The following ZKSCAN2 variants were observed in gnomAD, a reference collection of about 807,000 sequenced individuals.
ZKSCAN2 encodes the protein zinc finger protein with KRAB and SCAN domains 2.
A neutral mutation model predicts 90.5 loss-of-function variants in ZKSCAN2; 38 were observed. The observed-to-expected ratio is 0.42, with a 90% CI of 0.32 to 0.55. The LOEUF is 0.55. ZKSCAN2 is among the 20% of genes least tolerant of loss of function. The probability of loss-of-function intolerance (pLI) is 0.11; values close to 1 mark genes in which losing one functional copy is unlikely to be tolerated. For synonymous variants in ZKSCAN2, 429 were observed against 421.6 expected (o/e 1.02, Z -0.22); for missense variants, 1,167 against 1,202.6 (o/e 0.97, Z 0.44).
intron 2 of ZKSCAN2, 152 bp downstream of exon 2, chr16:25,255,054 G>T: frequency 1.4e-6 from 1 of 692,864 alleles, no homozygotes; most frequent in Non-Finnish European, 2.2e-6. Context: ...CACTTATATT[G>T]CACATGTTCC....
intron 2 of ZKSCAN2, among the ~76,000 whole-genome samples, chr16:25,254,728 A>G (rs9922806): frequency 0.59 from 89,503 of 151,754 alleles, 27,808 homozygotes; most frequent in African/African-American, 0.8. Flanking sequence ...GTGTCCAGCC[A>G]TGGAGAGTTT....
chr16:25,242,686 A>G (rs1962872301), intron 6 of ZKSCAN2, among the ~76,000 whole-genome samples: 1 of 152,252 alleles, frequency 6.6e-6, no homozygotes, highest in Non-Finnish European at 1.5e-5. Flanking sequence ...TGTAGGAAAT[A>G]GCCAGTAGTT....
chr16:25,257,140 G>T lies in ZKSCAN2; in HGVS notation c.-13C>A. Reference sequence around the variant, plus strand: ...GGGCGACAGCCATGCTGCAGCCCAGGGGTCAACTTCACGTCTAGCTCAAGG... The same window carrying T: ...GGGCGACAGCCATGCTGCAGCCCAGTGGTCAACTTCACGTCTAGCTCAAGG... On this transcript the variant is annotated 5_prime_UTR_variant, in exon 1 of 7. Transcript: ENST00000328086. The T allele has an allele frequency of 6.3e-7, 1 of 1,576,220 alleles. No homozygotes were observed.
Position 25,255,802 on chromosome 16 carries a change from C to T in ZKSCAN2, c.400-410G>A, listed in dbSNP as rs185383507. Among the ~76,000 whole-genome samples, 997 of 152,190 alleles carry T rather than the reference C, an allele frequency of 6.6e-3. 11 individuals are homozygous for T. Among genetic ancestry groups the T allele is most frequent in the Middle Eastern group, 0.01 (3 of 294 alleles). ...TTCATTATGTTGGTCAGGCTGGTCT[C>T]GAATTCCTGACCTCAGGTGATCAAC... On this transcript the variant is annotated intron_variant, in intron 1 of 6. Coordinates refer to ENST00000328086, the MANE Select transcript of ZKSCAN2 (RefSeq NM_001012981.5).
chr16:25,243,311 T>TAGAA (rs1202451993), intron 6 of ZKSCAN2, among the ~76,000 whole-genome samples: 1 of 152,274 alleles, frequency 6.6e-6, no homozygotes, highest in East Asian at 1.9e-4. Flanking sequence ...CTCCTTTGAA[T>TAGAA]AGAAGCACCA....
intron 4 of ZKSCAN2, among the ~76,000 whole-genome samples, chr16:25,250,540 A>T (rs1963005856): frequency 6.6e-6 from 1 of 152,192 alleles, no homozygotes; most frequent in African/African-American, 2.4e-5. Context: ...TCTAATGTAT[A>T]CAGCATGATG....
chr16:25,243,023 CGTAA>C (rs981543224), intron 6 of ZKSCAN2, among the ~76,000 whole-genome samples: 31 of 152,274 alleles, frequency 2.0e-4, no homozygotes, highest in African/African-American at 7.5e-4. Context: ...CCCACGAGGG[CGTAA>C]GTCAGTGGGA....
chr16:25,241,785 C>A (rs1247720668), intron 6 of ZKSCAN2, among the ~76,000 whole-genome samples: 1 of 152,214 alleles, frequency 6.6e-6, no homozygotes, highest in African/African-American at 2.4e-5. Flanking sequence ...ACAGATAACT[C>A]TCAATCCCAA....
In ZKSCAN2 at chr16:25,247,026, T is replaced by G; in HGVS notation, c.1170A>C (p.Pro390=). 6.2e-7 allele frequency: 1 copy of G among 1,614,226 alleles called. No individual in the cohort carries two copies. Residue 390 remains proline, a synonymous_variant, in exon 5 of 7, where the codon CCA becomes CCC. Transcript: ENST00000328086. ...WLRECGFLRT[P]EQCRTKFKSL... ...TTTTGAACTTGGTTCGACACTGTTC[T>G]GGGGTTCTAAGGAAGCCACATTCTC...
At position 25,238,690 on chromosome 16, in the gene ZKSCAN2, G is replaced by T. The variant is rs187436519; in HGVS notation, c.*1126C>A. On this transcript the variant is annotated 3_prime_UTR_variant, in exon 7 of 7. Coordinates refer to ENST00000328086, the MANE Select transcript of ZKSCAN2 (RefSeq NM_001012981.5). ...GAAGCCTCAGGAAAAGAGACTGGGA[G>T]ATTTAACAGCCAGACCTGAGAGCGC... The T allele has an allele frequency of 2.0e-5, 3 of 152,368 alleles. No homozygotes were observed. The highest frequency in any genetic ancestry group is 6.5e-5 in the Admixed American group (1 of 15,302). The allele number at this position is 152,368 out of a possible 1,614,324, so 9.4% of individuals were successfully genotyped here.
At chr16:25,248,282 C>CAAAAAAAAAAAAAAAAAAAAAAAAA (rs55673563) in intron 4 of ZKSCAN2, among the ~76,000 whole-genome samples, 1 of 23,218 alleles carries the variant, frequency 4.3e-5, no homozygotes, top group Non-Finnish European at 8.5e-5. Context: ...TTCTATACAG[C>CAAAAAAAAAAAAAAAAAAAAAAAAA]AAAAAAAAAA....
intron 6 of ZKSCAN2, among the ~76,000 whole-genome samples, chr16:25,241,286 C>T (rs1434863245): frequency 1.3e-5 from 2 of 152,216 alleles, no homozygotes; most frequent in East Asian, 1.9e-4. Context: ...GGATTATTTT[C>T]TCACTCTTTT....
intron 4 of ZKSCAN2, among the ~76,000 whole-genome samples, chr16:25,247,950 T>G (rs1363282236): frequency 1.3e-5 from 2 of 152,088 alleles, no homozygotes; most frequent in African/African-American, 2.4e-5. Flanking sequence ...AGTCCACACA[T>G]GTATAGCTAA....
rs551460206 is a variant in ZKSCAN2 at position 25,239,975 on chromosome 16, A to T, written c.2745T>A (p.Tyr915Ter). The change falls in exon 7 of 7, where the codon TAT becomes TAA. Residue 915 changes from tyrosine to a stop codon, truncating the protein, a stop_gained. Coordinates refer to ENST00000328086, the MANE Select transcript of ZKSCAN2 (RefSeq NM_001012981.5). LOFTEE classifies it low-confidence loss of function (END_TRUNC). The part of the protein sequence containing the change: ...HRRIHTGEKP[Y>*]GCAQCGKRFS... Reference sequence around the variant, plus strand: ...AACGTTTGCCACACTGGGCACATCCATAGGGCTTCTCTCCAGTGTGTATTC... The same window carrying T: ...AACGTTTGCCACACTGGGCACATCCTTAGGGCTTCTCTCCAGTGTGTATTC... 6.2e-7 allele frequency: 1 copy of T among 1,614,036 alleles called. No individual in the cohort carries two copies. The highest frequency in any genetic ancestry group is 1.3e-5 in the African/African-American group (1 of 74,910).
Position 25,257,415 on chromosome 16 carries a change from G to A in ZKSCAN2, c.-288C>T, listed in dbSNP as rs190539015. Reference sequence around the variant, plus strand: ...CCCTCTTAGTGCAAAGTCGGAAACCGGGAGGCTGGACGACTGGGAGAAAAA... The same window carrying A: ...CCCTCTTAGTGCAAAGTCGGAAACCAGGAGGCTGGACGACTGGGAGAAAAA... On this transcript the variant is annotated 5_prime_UTR_variant, in exon 1 of 7. Coordinates refer to ENST00000328086, the MANE Select transcript of ZKSCAN2 (RefSeq NM_001012981.5). The A allele has an allele frequency of 9.6e-4, 1,090 of 1,130,754 alleles. 14 individuals carry two copies. The African/African-American group carries it at 0.016, about 16-fold the overall frequency. 70.0% of individuals were successfully genotyped at this position (1,130,754 alleles called of 1,614,324 possible).
In ZKSCAN2 at chr16:25,240,036, C is replaced by G. The variant is rs748616506; in HGVS notation, c.2684G>C (p.Ser895Thr). 1 of 1,614,032 alleles carries G rather than the reference C, an allele frequency of 6.2e-7. No homozygotes were observed. The highest frequency in any genetic ancestry group is 8.5e-7 in the Non-Finnish European group (1 of 1,179,972). ...NPYKCVDCEK[S>T]FNNCTRFREH... is the part of the protein sequence containing the mutation. ...TCGAAATCTCGTACAGTTATTGAAA[C>G]TTTTTTCACAGTCCACACATTTGTA... Residue 895 changes from serine (S) to threonine (T), a missense_variant, in exon 7 of 7, where the codon AGT becomes ACT. Transcript: ENST00000328086.
intron 2 of ZKSCAN2, among the ~76,000 whole-genome samples, chr16:25,254,560 A>C (rs1488738459): frequency 6.6e-6 from 1 of 152,250 alleles, no homozygotes; most frequent in Non-Finnish European, 1.5e-5. Flanking sequence ...CAGGACTGAA[A>C]AACACATGAT....
chr16:25,240,394 T>G lies in ZKSCAN2; in HGVS notation c.2326A>C (p.Lys776Gln), dbSNP rs147734922. ...AAGCACTTCCCACAGACACCACACT[T>G]GTAAGGATTCTCCTTGTGGTGGGTC... is the stretch of plus-strand genomic sequence containing the variant. The part of the protein sequence containing the change: ...RMTHHKENPY[K>Q]CGVCGKCFGR... Residue 776 changes from lysine to glutamine, a missense_variant, in exon 7 of 7, where the codon AAG becomes CAG. By Grantham distance (53) the Lys-to-Gln change is moderately conservative. Coordinates refer to ENST00000328086, the MANE Select transcript of ZKSCAN2 (RefSeq NM_001012981.5). 62 of 1,614,208 alleles carry G rather than the reference T, an allele frequency of 3.8e-5. No homozygotes were observed. The African/African-American group carries it at 8.0e-4, about 21-fold the overall frequency.
intron 1 of ZKSCAN2, among the ~76,000 whole-genome samples, chr16:25,256,505 G>A (rs1046802301): frequency 1.3e-5 from 2 of 152,068 alleles, no homozygotes; most frequent in African/African-American, 4.8e-5. Context: ...GGTTTCCATT[G>A]TAAGATAATA....
Sources: gnomAD v4.1 joint callset for allele counts (sites outside exome capture counted in the v4.1 genomes callset) on GRCh38, gnomAD v4.1.1 for gene constraint, MANE v1.5 for transcripts, NCBI Gene and HGNC (gene_info 2026-07-23, HGNC 2026-07-21) for gene names.